The following SLC6A9 variants were observed in gnomAD, a reference collection of about 807,000 sequenced individuals.
The protein encoded by SLC6A9 is solute carrier family 6 member 9.
In SLC6A9, 31 loss-of-function variants were observed where a neutral mutation model predicts 70.9. The ratio of observed to expected loss-of-function variants is 0.44; its 90% CI spans 0.33 to 0.59. The LOEUF (loss-of-function observed/expected upper bound fraction) is 0.59. SLC6A9 is among the 20% of genes least tolerant of loss of function. SLC6A9 has a pLI of 0.04. For missense variants in SLC6A9, 631 were observed against 845.2 expected (o/e 0.75, Z 3.14); for synonymous variants, 310 against 341.3 (o/e 0.91, Z 1.01).
rs1258214742 is a variant in SLC6A9 at position 44,013,954 on chromosome 1, T to C, written c.31-3072A>G. Among the ~76,000 whole-genome samples the C allele has an allele frequency of 1.3e-5, 2 of 152,134 alleles. No individual in the cohort carries two copies. Among genetic ancestry groups the C allele is most frequent in the African/African-American group, 4.8e-5 (2 of 41,422 alleles). On this transcript the variant is annotated intron_variant, in intron 2 of 13. Coordinates refer to ENST00000372310, the MANE Select transcript of SLC6A9 (RefSeq NM_001024845.3). This position sits in a 1 kb window ranked among gnomAD's most constrained non-coding sequence, Gnocchi z 5.3. ...CTCTAGTTTTTCTTGATCTGCTGGG[T>C]GGACGGCTGTGTCACTGATATGAAC...
chr1:44,027,114 C>G (rs567540438), intron 1 of SLC6A9, among the ~76,000 whole-genome samples: 1 of 152,146 alleles, frequency 6.6e-6, no homozygotes, highest in Non-Finnish European at 1.5e-5. Context: ...GTCTCTTCTA[C>G]GTGTGGAAGA....
Position 44,010,794 on chromosome 1 carries a change from C to T in SLC6A9, c.119G>A (p.Ser40Asn). ...WGNQIEFVLT[S>N]VGYAVGLGNV... ...GCCCAGGCCCACGGCATAGCCCACG[C>T]TCGTCAGTACAAACTCGATCTGGTT... The change falls in exon 3 of 14, where the codon AGC (serine) becomes AAC (asparagine). Residue 40 changes from serine (S) to asparagine (N), a missense_variant. By Grantham distance (46) the Ser-to-Asn change is conservative. Coordinates refer to ENST00000372310, the MANE Select transcript of SLC6A9 (RefSeq NM_001024845.3). 6.2e-7 allele frequency: 1 copy of T among 1,614,230 alleles called. No individual in the cohort carries two copies. Among genetic ancestry groups the T allele is most frequent in the Non-Finnish European group, 8.5e-7 (1 of 1,180,034 alleles).
intron 2 of SLC6A9, among the ~76,000 whole-genome samples, chr1:44,016,128 G>A (rs775569399): frequency 1.3e-5 from 2 of 152,232 alleles, no homozygotes; most frequent in Non-Finnish European, 2.9e-5. Flanking sequence ...GCCCTGGGGT[G>A]AGTGATGGAG....
Position 44,001,454 on chromosome 1 carries a change from G to A in SLC6A9, c.1136C>T (p.Pro379Leu). The A allele has an allele frequency of 6.2e-7, 1 of 1,614,212 alleles. No homozygotes were observed. Among genetic ancestry groups the A allele is most frequent in the Non-Finnish European group, 8.5e-7 (1 of 1,180,028 alleles). Residue 379 changes from proline (P) to leucine (L), a missense_variant, in exon 9 of 14, where the codon CCC becomes CTC. Coordinates refer to ENST00000372310, the MANE Select transcript of SLC6A9 (RefSeq NM_001024845.3). ...GAGCAGAGACCACAGCGGGGAGATGGGAAGTAGTGTGAGGGCCTCGGGGTA... is the reference window on the plus strand; with the variant it reads ...GAGCAGAGACCACAGCGGGGAGATGAGAAGTAGTGTGAGGGCCTCGGGGTA... ...VAYPEALTLL[P>L]ISPLWSLLFF...
Position 44,008,477 on chromosome 1 carries a change from A to G in SLC6A9, c.466T>C (p.Cys156Arg). 3 of 1,614,200 alleles carry G rather than the reference A, an allele frequency of 1.9e-6. No homozygotes were observed. Among genetic ancestry groups the G allele is most frequent in the Non-Finnish European group, 2.5e-6 (3 of 1,180,022 alleles). Residue 156 changes from cysteine (C) to arginine (R), a missense_variant, in exon 5 of 14, where the codon TGC becomes CGC. Cys to Arg is a radical substitution (Grantham distance 180). Coordinates refer to ENST00000372310, the MANE Select transcript of SLC6A9 (RefSeq NM_001024845.3). ...TTGGAGGCGTCCAGTACACCGGCGC[A>G]GTCATGCGTGTTCCAGGGGTTATTG... ...YCNNPWNTHD[C>R]AGVLDASNLT... is the part of the protein sequence containing the mutation.
Position 44,013,465 on chromosome 1 carries a change from C to G in SLC6A9, c.31-2583G>C, listed in dbSNP as rs1023913267. Among the ~76,000 whole-genome samples, 2 of 152,256 alleles carry G rather than the reference C, an allele frequency of 1.3e-5. No homozygotes were observed. The highest frequency in any genetic ancestry group is 4.8e-5 in the African/African-American group (2 of 41,466). ...CAGCTTAGCCGTGCGGGCTGTAACC[C>G]AGGGAGGCCACAGCCCCCGCGACAG... On this transcript the variant is annotated intron_variant, in intron 2 of 13. Coordinates refer to ENST00000372310, the MANE Select transcript of SLC6A9 (RefSeq NM_001024845.3). The surrounding 1 kb of genome is among the most constrained non-coding windows in gnomAD (Gnocchi z 5.3).
intron 4 of SLC6A9, 64 bp from the exon 5 acceptor site, chr1:44,008,687 ATTTCTT>A: frequency 7.5e-7 from 1 of 1,335,744 alleles, no homozygotes; most frequent in Non-Finnish European, 1.0e-6. Context: ...GAGGTTAATA[ATTTCTT>A]TTTTTTCTTT....
intron 2 of SLC6A9, chr1:44,011,660 A>G (rs768601587): frequency 6.2e-7 from 1 of 1,614,080 alleles, no homozygotes; most frequent in South Asian, 1.1e-5. Context: ...CTAGGGAAGT[A>G]GAGGGAGTGG....
chr1:44,000,602 C>T (rs763407408), intron 12 of SLC6A9, among the ~76,000 whole-genome samples, 165 bp downstream of exon 12: 7 of 152,248 alleles, frequency 4.6e-5, no homozygotes, highest in Non-Finnish European at 7.3e-5. Flanking sequence ...CGCCACACGC[C>T]TCTCTGACTC....
At position 43,997,275 on chromosome 1, in the gene SLC6A9, CCTGG is replaced by C; in HGVS notation, c.*266_*269del. 4.1e-6 allele frequency: 2 copies of C among 488,982 alleles called. No homozygotes were observed. Among genetic ancestry groups the C allele is most frequent in the South Asian group, 2.5e-5 (1 of 40,272 alleles). 30.3% of individuals were successfully genotyped at this position (488,982 alleles called of 1,614,324 possible). A position where few individuals can be genotyped will look rare whatever the true frequency, so the allele number is the denominator to read the frequency against. ...GTAAAGCCATCCAGGCTGCTGGGGA[CCTGG>C]CCCGAGACCCCTCCAAAGTGCTTTG... is the stretch of plus-strand genomic sequence containing the variant. On this transcript the variant is annotated 3_prime_UTR_variant, in exon 14 of 14. Transcript: ENST00000372310. The surrounding 1 kb of genome is among the most constrained non-coding windows in gnomAD (Gnocchi z 4.4).
chr1:44,000,605 TCTGA>T (rs1453156384), intron 12 of SLC6A9, among the ~76,000 whole-genome samples, 158 bp downstream of exon 12: 1 of 152,182 alleles, frequency 6.6e-6, no homozygotes, highest in East Asian at 1.9e-4. Context: ...CACACGCCTC[TCTGA>T]CTCTCTCCAA....
In SLC6A9 at chr1:44,001,028, C is replaced by A; in HGVS notation, c.1363G>T (p.Asp455Tyr). The part of the protein sequence containing the change: ...QAGIYWLLLM[D>Y]NYAASFSLVV... Reference sequence around the variant, plus strand: ...AAGGAGAAGCTGGCCGCATAGTTGTCCATCAGCAGCAGCCAATAGATGCCT... The same window carrying A: ...AAGGAGAAGCTGGCCGCATAGTTGTACATCAGCAGCAGCCAATAGATGCCT... Residue 455 changes from aspartate (D) to tyrosine (Y), a missense_variant, in exon 11 of 14, where the codon GAC becomes TAC. Coordinates refer to ENST00000372310, the MANE Select transcript of SLC6A9 (RefSeq NM_001024845.3). 6.3e-7 allele frequency: 1 copy of A among 1,581,052 alleles called. No homozygotes were observed. The highest frequency in any genetic ancestry group is 1.2e-5 in the South Asian group (1 of 85,384).
rs774558230 is a variant in SLC6A9 at position 43,997,969 on chromosome 1, C to A, written c.1593G>T (p.Gln531His). 3.1e-6 allele frequency: 5 copies of A among 1,614,126 alleles called. No homozygotes were observed. The Middle Eastern group carries it at 4.9e-4, about 160-fold the overall frequency. ...QYQPITYNHY[Q>H]YPGWAVAIGF... ...CAATGGCCACGGCCCAGCCTGGGTA[C>A]TGGTAGTGGTTGTAGGTGATCGGCT... is the stretch of plus-strand genomic sequence containing the variant. The change falls in exon 13 of 14, where the codon CAG becomes CAT. Residue 531 changes from glutamine (Q) to histidine (H), a missense_variant. Physicochemically the swap from Gln to His is conservative, Grantham distance 24. Transcript: ENST00000372310. This position sits in a 1 kb window ranked among gnomAD's most constrained non-coding sequence, Gnocchi z 4.4.
intron 1 of SLC6A9, among the ~76,000 whole-genome samples, chr1:44,029,476 T>C (rs1055175344): frequency 6.6e-6 from 1 of 152,100 alleles, no homozygotes; most frequent in Non-Finnish European, 1.5e-5. Flanking sequence ...CCGGCACCCG[T>C]TCCATGTTTT....
At position 44,009,965 on chromosome 1, in the gene SLC6A9, C is replaced by A. The variant is rs1325497190; in HGVS notation, c.319G>T (p.Gly107Ter). 1.9e-6 allele frequency: 3 copies of A among 1,613,882 alleles called. No homozygotes were observed. Among genetic ancestry groups the A allele is most frequent in the Non-Finnish European group, 8.5e-7 (1 of 1,179,844 alleles). Residue 107 changes from glycine (G) to a stop codon, truncating the protein, a stop_gained and splice_region_variant, in exon 4 of 14, where the codon GGA becomes TGA. Coordinates refer to ENST00000372310, the MANE Select transcript of SLC6A9 (RefSeq NM_001024845.3). LOFTEE classifies it high-confidence loss of function. ...AGCGAGTGCCCCGCCCAGGCCTCAC[C>A]TTTGAACATGGGGCTGATCCTCCAG... ...GVWRISPMFK[G>*]VGYGMMVVST...
At position 44,001,607 on chromosome 1, in the gene SLC6A9, A is replaced by T. The variant is rs1428299346; in HGVS notation, c.983T>A (p.Ile328Asn). The T allele has an allele frequency of 6.2e-7, 1 of 1,613,674 alleles. No individual in the cohort carries two copies. The highest frequency in any genetic ancestry group is 8.5e-7 in the Non-Finnish European group (1 of 1,179,712). Residue 328 changes from isoleucine (I) to asparagine (N), a missense_variant, in exon 9 of 14, where the codon ATC becomes AAC. Physicochemically the swap from Ile to Asn is moderately radical, Grantham distance 149. Transcript: ENST00000372310. ...ATAGACGCTGGTGGCACAGTTGGTGATGCTGATGATGACACTGTCCCTGAT... is the reference window on the plus strand; with the variant it reads ...ATAGACGCTGGTGGCACAGTTGGTGTTGCTGATGATGACACTGTCCCTGAT... ...NCYRDSVIIS[I>N]TNCATSVYAG...
At chr1:43,999,708 A>G (rs2086017579) in intron 12 of SLC6A9, among the ~76,000 whole-genome samples, 2 of 152,228 alleles carry the variant, frequency 1.3e-5, no homozygotes, top group Middle Eastern at 3.4e-3. Flanking sequence ...TCAGCCCTCC[A>G]CGGGCCTTTA....
At chr1:44,011,207 C>A (rs1180881537) in intron 2 of SLC6A9, among the ~76,000 whole-genome samples, 1 of 152,174 alleles carries the variant, frequency 6.6e-6, no homozygotes, top group East Asian at 1.9e-4. Context: ...CCCTCCAAAA[C>A]CTCCCCTTGC....
At chr1:44,010,533 A>G (rs546622313) in intron 3 of SLC6A9, 193 bp downstream of exon 3, 143 of 423,100 alleles carry the variant, frequency 3.4e-4, no homozygotes, top group African/African-American at 2.7e-3. Context: ...CCAGCCCCCA[A>G]CAACAGACTG....
Sources: allele counts gnomAD v4.1 joint callset (sites outside exome capture counted in the v4.1 genomes callset), GRCh38; gene constraint gnomAD v4.1.1; non-coding constraint Gnocchi (gnomAD v3.1); transcripts MANE v1.5; gene names NCBI Gene and HGNC (gene_info 2026-07-23, HGNC 2026-07-21).